The following CDK6 variants were observed in gnomAD, a reference collection of about 807,000 sequenced individuals.
The protein encoded by CDK6 is cyclin dependent kinase 6.
A neutral mutation model predicts 37.1 loss-of-function variants in CDK6; 6 were observed. That is an observed-to-expected ratio of 0.16 (90% confidence interval 0.09 to 0.32). The LOEUF is 0.32. CDK6 is among the 10% of genes least tolerant of loss of function. The pLI is 1.00. For missense variants in CDK6, 224 were observed against 418.9 expected (o/e 0.53, Z 4.06); for synonymous variants, 160 against 161.3 (o/e 0.99, Z 0.06).
At chr7:92,626,494 G>A (rs1334238547) in intron 5 of CDK6, among the ~76,000 whole-genome samples, 1 of 152,080 alleles carries the variant, frequency 6.6e-6, no homozygotes, top group East Asian at 1.9e-4. Context: ...AACATCTAAG[G>A]AAACACAGAT....
At chr7:92,660,434 G>A (rs1035228463) in intron 5 of CDK6, among the ~76,000 whole-genome samples, 10 of 152,182 alleles carry the variant, frequency 6.6e-5, no homozygotes, top group African/African-American at 2.4e-4. Flanking sequence ...CAAAAGGTAG[G>A]TCTCTTTCAC....
At chr7:92,711,694 A>C (rs1408494948) in intron 4 of CDK6, among the ~76,000 whole-genome samples, 1 of 150,438 alleles carries the variant, frequency 6.6e-6, no homozygotes, top group African/African-American at 2.4e-5. Context: ...CAGCCTCCCA[A>C]GTAGCTGGGA....
intron 7 of CDK6, 142 bp from the exon 8 acceptor site, chr7:92,615,428 A>G: frequency 1.5e-6 from 1 of 681,634 alleles, no homozygotes; most frequent in Non-Finnish European, 2.5e-6. Flanking sequence ...GACACTAAAT[A>G]ATATGGAGAC....
intron 3 of CDK6, among the ~76,000 whole-genome samples, chr7:92,731,670 A>C (rs1487136630): frequency 1.3e-5 from 2 of 152,202 alleles, no homozygotes; most frequent in Non-Finnish European, 2.9e-5. Flanking sequence ...TTCTGAAATG[A>C]GAACAGAACC....
At chr7:92,627,859 T>C (rs1410993449) in intron 5 of CDK6, among the ~76,000 whole-genome samples, 3 of 151,908 alleles carry the variant, frequency 2.0e-5, no homozygotes, top group African/African-American at 4.8e-5. Flanking sequence ...CAAGCAAACA[T>C]TACGGATTCA....
chr7:92,671,647 A>C, intron 4 of CDK6, 112 bp from the exon 5 acceptor site: 1 of 520,058 alleles, frequency 1.9e-6, no homozygotes. Flanking sequence ...ACTCCTATAA[A>C]TCATATAAGG....
intron 2 of CDK6, 35 bp from the exon 3 acceptor site, chr7:92,774,866 A>C: frequency 6.3e-7 from 1 of 1,593,066 alleles, no homozygotes; most frequent in Non-Finnish European, 8.5e-7. Flanking sequence ...AGTAGGTGGC[A>C]ATAAGCAAAG....
Position 92,833,516 on chromosome 7 carries a change from G to T in CDK6, c.-193C>A, listed in dbSNP as rs1801552061. Reference sequence around the variant, plus strand: ...AGCTGGATGGAGAGACCTCCCCGCGGGGCTGGCGTAACCCTGGTGCCGCCG... The same window carrying T: ...AGCTGGATGGAGAGACCTCCCCGCGTGGCTGGCGTAACCCTGGTGCCGCCG... On this transcript the variant is annotated 5_prime_UTR_variant, in exon 2 of 8. Coordinates refer to ENST00000424848, the MANE Select transcript of CDK6 (RefSeq NM_001145306.2). This position sits in a 1 kb window ranked among gnomAD's most constrained non-coding sequence, Gnocchi z 6.1. The T allele has an allele frequency of 1.8e-6, 1 of 563,588 alleles. No homozygotes were observed. Among genetic ancestry groups the T allele is most frequent in the Admixed American group, 3.6e-5 (1 of 28,056 alleles). The allele number at this position is 563,588 out of a possible 1,614,324, so 34.9% of individuals were successfully genotyped here. A position where few individuals can be genotyped will look rare whatever the true frequency, so the allele number is the denominator to read the frequency against.
chr7:92,762,271 T>G (rs1351589379), intron 3 of CDK6, among the ~76,000 whole-genome samples: 2 of 152,174 alleles, frequency 1.3e-5, no homozygotes, highest in Non-Finnish European at 2.9e-5. Context: ...AAATCTCTCC[T>G]TCTTTTTTGT....
At position 92,833,398 on chromosome 7, in the gene CDK6, T is replaced by G. The variant is rs1328337162; in HGVS notation, c.-75A>C. The G allele has an allele frequency of 1.5e-5, 16 of 1,045,272 alleles. No individual in the cohort carries two copies. Among genetic ancestry groups the G allele is most frequent in the Non-Finnish European group, 1.4e-6 (1 of 738,060 alleles). 64.7% of individuals were successfully genotyped at this position (1,045,272 alleles called of 1,614,324 possible). A position where few individuals can be genotyped will look rare whatever the true frequency, so the allele number is the denominator to read the frequency against. ...CGCTCAACTAGCTGGCGGCCGCCGC[T>G]CGCCTACTCCGGGGCTCCCCGGAGA... On this transcript the variant is annotated 5_prime_UTR_variant, in exon 2 of 8. Transcript: ENST00000424848. This position sits in a 1 kb window ranked among gnomAD's most constrained non-coding sequence, Gnocchi z 6.1.
chr7:92,647,412 C>T (rs2282981), intron 5 of CDK6, among the ~76,000 whole-genome samples: 9,044 of 152,208 alleles, frequency 0.059, 462 homozygotes, highest in South Asian at 0.2. Context: ...GGAAGAATGA[C>T]GTGGAGCAGC....
chr7:92,667,084 T>C (rs1796973929), intron 5 of CDK6, among the ~76,000 whole-genome samples: 1 of 150,088 alleles, frequency 6.7e-6, no homozygotes, highest in Non-Finnish European at 1.5e-5. Context: ...CTAATCTGTG[T>C]GTTTCTTAGT....
intron 2 of CDK6, among the ~76,000 whole-genome samples, chr7:92,832,635 A>G (rs539405522): frequency 1.3e-5 from 2 of 152,174 alleles, no homozygotes; most frequent in Non-Finnish European, 2.9e-5. Flanking sequence ...CTCCACCCAT[A>G]AAGTTCCCAC....
chr7:92,616,593 C>T (rs3731380), intron 7 of CDK6, among the ~76,000 whole-genome samples: 5,982 of 152,262 alleles, frequency 0.039, 167 homozygotes, highest in Non-Finnish European at 0.058. Flanking sequence ...CCCAAAGGAC[C>T]GGAAAGCAGG....
At chr7:92,795,057 CTT>C (rs1350511231) in intron 2 of CDK6, among the ~76,000 whole-genome samples, 5 of 152,128 alleles carry the variant, frequency 3.3e-5, no homozygotes, top group East Asian at 1.9e-4. Context: ...TTCATTTTCT[CTT>C]TGTCTCATTA....
intron 2 of CDK6, among the ~76,000 whole-genome samples, chr7:92,811,946 T>A (rs763533153): frequency 4.6e-5 from 7 of 151,836 alleles, no homozygotes; most frequent in Non-Finnish European, 8.8e-5. Context: ...AGGTCAGGAG[T>A]TCGAGATCAG....
rs1801597820 is a variant in CDK6 at position 92,834,636 on chromosome 7, A to G, written c.-367-946T>C. On this transcript the variant is annotated intron_variant, in intron 1 of 7. Transcript: ENST00000424848. This position sits in a 1 kb window ranked among gnomAD's most constrained non-coding sequence, Gnocchi z 4.6. ...ATCGCGCCTCGTCCTTAAGTTTTAAACTGATTTCGACCTGAGCAAAACTCA... is the reference window on the plus strand; with the variant it reads ...ATCGCGCCTCGTCCTTAAGTTTTAAGCTGATTTCGACCTGAGCAAAACTCA... Among the ~76,000 whole-genome samples, 1 of 135,576 alleles carries G rather than the reference A, an allele frequency of 7.4e-6. No homozygotes were observed. Among genetic ancestry groups the G allele is most frequent in the Non-Finnish European group, 1.5e-5 (1 of 64,574 alleles). The allele number at this position is 135,576 out of a possible 152,430, so 88.9% of individuals were successfully genotyped here. A position where few individuals can be genotyped will look rare whatever the true frequency, so the allele number is the denominator to read the frequency against.
intron 4 of CDK6, among the ~76,000 whole-genome samples, chr7:92,718,332 T>C (rs775234886): frequency 6.6e-6 from 1 of 152,170 alleles, no homozygotes; most frequent in African/African-American, 2.4e-5. Flanking sequence ...TTTTCCATTA[T>C]ACTCATGTAA....
chr7:92,725,847 T>C (rs1194348353), intron 3 of CDK6, 54 bp from the exon 4 acceptor site: 5 of 1,529,300 alleles, frequency 3.3e-6, no homozygotes, highest in Non-Finnish European at 4.5e-6. Flanking sequence ...AAGTTGAGCA[T>C]TTGCTATGCT....
Sources: allele counts gnomAD v4.1 joint callset (sites outside exome capture counted in the v4.1 genomes callset), GRCh38; gene constraint gnomAD v4.1.1; non-coding constraint Gnocchi (gnomAD v3.1); transcripts MANE v1.5; gene names NCBI Gene and HGNC (gene_info 2026-07-23, HGNC 2026-07-21).